MEGF11: variants seen among roughly 807,000 people sequenced by gnomAD.
MEGF11 encodes multiple epidermal growth factor-like domains protein 11.
Under a neutral mutation model 146.6 loss-of-function variants are expected in MEGF11, and 126 were observed. The ratio of observed to expected loss-of-function variants is 0.86; its 90% confidence interval spans 0.74 to 1.00. MEGF11 has a LOEUF of 1.00. MEGF11 is among the 50% of genes least tolerant of loss of function. The pLI is 0.00. For synonymous variants in MEGF11, 532 were observed against 583.4 expected (o/e 0.91, Z 1.27); for missense variants, 1,509 against 1,521.2 (o/e 0.99, Z 0.13).
At chr15:66,030,558 C>T (rs1306014790) in intron 5 of MEGF11, among the ~76,000 whole-genome samples, 1 of 152,252 alleles carries the variant, frequency 6.6e-6, no homozygotes, top group East Asian at 1.9e-4. Context: ...CACAGGCATT[C>T]ACCACCACGC....
rs2088198164 is a variant in MEGF11, at chr15:66,124,019, A to C, written c.99-19T>G. 2 of 1,592,682 alleles carry C rather than the reference A, an allele frequency of 1.3e-6. No individual in the cohort carries two copies. Among genetic ancestry groups the C allele is most frequent in the Non-Finnish European group, 1.7e-6 (2 of 1,160,614 alleles). ...AGCATAGCTGAGAACCAGATGGGAGATAGGAGCCATGATTAGCACTTGGGA... is the reference window on the plus strand; with the variant it reads ...AGCATAGCTGAGAACCAGATGGGAGCTAGGAGCCATGATTAGCACTTGGGA... On this transcript the variant is annotated intron_variant, in intron 2 of 25. Transcript: ENST00000395614.
chr15:66,170,023 A>G (rs1287879265), intron 1 of MEGF11, among the ~76,000 whole-genome samples: 1 of 152,216 alleles, frequency 6.6e-6, no homozygotes, highest in African/African-American at 2.4e-5. Flanking sequence ...CGAAAAAAAA[A>G]AAAATTCCAG....
chr15:66,081,441 C>T (rs367848850), intron 5 of MEGF11, among the ~76,000 whole-genome samples: 9 of 152,280 alleles, frequency 5.9e-5, no homozygotes, highest in East Asian at 3.9e-4. Context: ...TGCAATGGCA[C>T]GATCTCGGCT....
At chr15:66,119,054 C>G in intron 4 of MEGF11, 32 bp downstream of exon 4, 1 of 1,457,014 alleles carries the variant, frequency 6.9e-7, no homozygotes, top group Non-Finnish European at 9.4e-7. Flanking sequence ...CCCTTCCCCA[C>G]TGAGGGCAGA....
rs776117946 is a variant in MEGF11 at position 65,993,038 on chromosome 15, C to T, written c.395-10550G>A. On this transcript the variant is annotated intron_variant, in intron 5 of 25. Coordinates refer to ENST00000395614, the MANE Select transcript of MEGF11 (RefSeq NM_001385028.1). ...AGAGGCAGGAGAGGAGCAAGACTCC[C>T]GGAACTCCTGCCAGGTCTCCAGACG... is the stretch of plus-strand genomic sequence containing the variant. Among the ~76,000 whole-genome samples the T allele has an allele frequency of 5.9e-5, 9 of 152,294 alleles. No individual in the cohort carries two copies. The East Asian group carries it at 1.5e-3, about 26-fold the overall frequency.
At chr15:66,187,008 C>T (rs1172134578) in intron 1 of MEGF11, among the ~76,000 whole-genome samples, 1 of 152,168 alleles carries the variant, frequency 6.6e-6, no homozygotes, top group Non-Finnish European at 1.5e-5. Context: ...CTCTCTGAAC[C>T]CCAGCTTCCT....
At chr15:66,064,850 G>GT (rs1218993374) in intron 5 of MEGF11, among the ~76,000 whole-genome samples, 1 of 152,054 alleles carries the variant, frequency 6.6e-6, no homozygotes, top group Non-Finnish European at 1.5e-5. Context: ...TTTTTATATG[G>GT]TTTTTTAAGT....
rs991080689 is a variant in MEGF11, at chr15:65,918,171, A to G, written c.1958-77T>C. On this transcript the variant is annotated intron_variant, in intron 15 of 25. Transcript: ENST00000395614. Reference sequence around the variant, plus strand: ...CCTCCACCCACAGCCTCATCCCTAGAAGTTCCCAAGCCACAGCCATGATCA... The same window carrying G: ...CCTCCACCCACAGCCTCATCCCTAGGAGTTCCCAAGCCACAGCCATGATCA... 17 of 1,585,290 alleles carry G rather than the reference A, an allele frequency of 1.1e-5. No individual in the cohort carries two copies. In the Admixed American group the frequency reaches 2.9e-4, roughly 27 times the overall value.
intron 19 of MEGF11, among the ~76,000 whole-genome samples, chr15:65,914,756 A>G (rs2078935088): frequency 6.6e-6 from 1 of 152,168 alleles, no homozygotes; most frequent in African/African-American, 2.4e-5. Context: ...TGCAACGGAA[A>G]TCTGTCTTTT....
chr15:66,075,120 C>CCTT (rs2085518443), intron 5 of MEGF11, among the ~76,000 whole-genome samples: 1 of 152,148 alleles, frequency 6.6e-6, no homozygotes, highest in African/African-American at 2.4e-5. Context: ...TGTCAAAAGG[C>CCTT]CTTTGCTAGC....
rs760395422 is a variant in MEGF11 at position 65,982,481 on chromosome 15, G to C, written c.402C>G (p.Asp134Glu). ...WGGPDCSSGC[D>E]SDHWGPHCSN... ...TGCAGTGGGGCCCCCAGTGGTCGCTGTCGCAGCCTGCAAGAGACGGGACAG... is the reference window on the plus strand; with the variant it reads ...TGCAGTGGGGCCCCCAGTGGTCGCTCTCGCAGCCTGCAAGAGACGGGACAG... The change falls in exon 6 of 26, where the codon GAC becomes GAG. Residue 134 changes from aspartate (D) to glutamate (E), a missense_variant. Coordinates refer to ENST00000395614, the MANE Select transcript of MEGF11 (RefSeq NM_001385028.1). This position sits in a 1 kb window ranked among gnomAD's most constrained non-coding sequence, Gnocchi z 5.6. 15 of 1,476,348 alleles carry C rather than the reference G, an allele frequency of 1.0e-5. No homozygotes were observed. The highest frequency in any genetic ancestry group is 1.3e-5 in the Non-Finnish European group (15 of 1,113,400). 91.5% of individuals were successfully genotyped at this position (1,476,348 alleles called of 1,614,324 possible).
chr15:66,173,518 T>C (rs2090317942), intron 1 of MEGF11, among the ~76,000 whole-genome samples: 1 of 152,170 alleles, frequency 6.6e-6, no homozygotes, highest in Admixed American at 6.5e-5. Flanking sequence ...GGTTTCACCA[T>C]GTTGGCCAGG....
At chr15:66,069,437 T>A (rs2085275473) in intron 5 of MEGF11, among the ~76,000 whole-genome samples, 1 of 152,216 alleles carries the variant, frequency 6.6e-6, no homozygotes, top group African/African-American at 2.4e-5. Context: ...CTAAGTGCTT[T>A]ACATGTAACA....
rs2078364998 is a variant in MEGF11, at chr15:65,896,688, A to G, written c.*1246T>C. The G allele has an allele frequency of 6.6e-6, 1 of 152,310 alleles. No homozygotes were observed. Among genetic ancestry groups the G allele is most frequent in the African/African-American group, 2.4e-5 (1 of 41,460 alleles). The allele number at this position is 152,310 out of a possible 1,614,324, so 9.4% of individuals were successfully genotyped here. A position where few individuals can be genotyped will look rare whatever the true frequency, so the allele number is the denominator to read the frequency against. On this transcript the variant is annotated 3_prime_UTR_variant, in exon 26 of 26. Transcript: ENST00000395614. ...TATCTGTGTTCATAGTGGAAGGTAT[A>G]GACACATCTGAATACTGGGATCTGG...
intron 10 of MEGF11, among the ~76,000 whole-genome samples, chr15:65,953,421 A>G (rs1285114867): frequency 2.0e-5 from 3 of 152,130 alleles, no homozygotes; most frequent in Non-Finnish European, 4.4e-5. Flanking sequence ...AGTGTCTCCC[A>G]CCACCGCTGG....
At chr15:66,228,693 A>G (rs1354063167) in intron 1 of MEGF11, among the ~76,000 whole-genome samples, 9 of 152,186 alleles carry the variant, frequency 5.9e-5, no homozygotes, top group Non-Finnish European at 1.5e-5. Context: ...CACTGTTGCC[A>G]GTGCTGGATG....
At chr15:66,201,836 A>T (rs2091166408) in intron 1 of MEGF11, among the ~76,000 whole-genome samples, 1 of 149,580 alleles carries the variant, frequency 6.7e-6, no homozygotes, top group Non-Finnish European at 1.5e-5. Context: ...AGTCCCAGCT[A>T]CTCGGGAGGT....
At chr15:66,090,892 C>T (rs1163456989) in intron 5 of MEGF11, among the ~76,000 whole-genome samples, 1 of 152,084 alleles carries the variant, frequency 6.6e-6, no homozygotes, top group African/African-American at 2.4e-5. Context: ...AAGTTATATC[C>T]AGATCTAGCC....
At chr15:66,063,136 C>T (rs373484515) in intron 5 of MEGF11, among the ~76,000 whole-genome samples, 2 of 152,310 alleles carry the variant, frequency 1.3e-5, no homozygotes, top group East Asian at 1.9e-4. Flanking sequence ...TATTCAAATG[C>T]TAACAAGTTA....
Sources: allele counts gnomAD v4.1 joint callset (sites outside exome capture counted in the v4.1 genomes callset), GRCh38; gene constraint gnomAD v4.1.1; non-coding constraint Gnocchi (gnomAD v3.1); transcripts MANE v1.5; gene names NCBI Gene and HGNC (gene_info 2026-07-23, HGNC 2026-07-21).